Variants in ADAM18 observed in about 807,000 individuals in gnomAD.
ADAM18 encodes the protein ADAM metallopeptidase domain 18, also known as disintegrin and metalloproteinase domain-containing protein 18.
Under a neutral mutation model 94.4 loss-of-function variants are expected in ADAM18, and 117 were observed. The observed-to-expected ratio is 1.24, with a 90% confidence interval of 1.07 to 1.45. ADAM18 has a LOEUF of 1.45. Ranked by LOEUF, ADAM18 falls within the 40% of genes most tolerant of loss-of-function variation. The pLI, the probability that ADAM18 is intolerant of heterozygous loss-of-function variation, is 0.00. For synonymous variants in ADAM18, 327 were observed against 291.6 expected (o/e 1.12, Z -1.24); for missense variants, 936 against 880.0 (o/e 1.06, Z -0.81).
intron 2 of ADAM18, among the ~76,000 whole-genome samples, chr8:39,604,040 C>G (rs1277306601): frequency 6.6e-6 from 1 of 152,130 alleles, no homozygotes; most frequent in Non-Finnish European, 1.5e-5. Flanking sequence ...ATAATTGATT[C>G]ATTTTTATGA....
At chr8:39,690,236 G>A (rs1051305501) in intron 16 of ADAM18, among the ~76,000 whole-genome samples, 7 of 152,070 alleles carry the variant, frequency 4.6e-5, no homozygotes, top group Non-Finnish European at 1.0e-4. Flanking sequence ...GGTGGGTGTG[G>A]CAGGTGTGCC....
intron 3 of ADAM18, among the ~76,000 whole-genome samples, chr8:39,607,394 C>CT (rs1403837151): frequency 6.6e-6 from 1 of 152,186 alleles, no homozygotes; most frequent in East Asian, 1.9e-4. Context: ...GCAACTGTCC[C>CT]TTGTCTGCCT....
At chr8:39,608,816 G>A (rs943849451) in intron 3 of ADAM18, among the ~76,000 whole-genome samples, 1 of 152,034 alleles carries the variant, frequency 6.6e-6, no homozygotes, top group Non-Finnish European at 1.5e-5. Context: ...ACATACATAT[G>A]TCTGATGCAG....
chr8:39,620,765 A>G (rs184051634), intron 6 of ADAM18, among the ~76,000 whole-genome samples: 121 of 151,918 alleles, frequency 8.0e-4, no homozygotes, highest in African/African-American at 2.9e-3. Context: ...AGTCAGACAC[A>G]GAAAGATAAA....
intron 2 of ADAM18, among the ~76,000 whole-genome samples, chr8:39,603,031 C>T (rs906186989): frequency 6.7e-6 from 1 of 149,844 alleles, no homozygotes; most frequent in Non-Finnish European, 1.5e-5. Context: ...TCCAATTGTT[C>T]TATCTTGCAC....
chr8:39,698,920 C>T (rs918244508), intron 17 of ADAM18, among the ~76,000 whole-genome samples: 1 of 152,050 alleles, frequency 6.6e-6, no homozygotes, highest in African/African-American at 2.4e-5. Context: ...CTAAGAATTA[C>T]AGCAGTGCTT....
intron 11 of ADAM18, among the ~76,000 whole-genome samples, chr8:39,648,071 T>C (rs1432877721): frequency 6.6e-6 from 1 of 152,156 alleles, no homozygotes; most frequent in Admixed American, 6.5e-5. Context: ...TGGTTAGATA[T>C]AGAGATATGT....
chr8:39,633,586 G>T (rs1819992998), intron 7 of ADAM18, among the ~76,000 whole-genome samples: 1 of 152,126 alleles, frequency 6.6e-6, no homozygotes, highest in East Asian at 1.9e-4. Flanking sequence ...TTGTTAGAAA[G>T]TGGCCAATCA....
intron 18 of ADAM18, among the ~76,000 whole-genome samples, chr8:39,714,483 T>A (rs527689851): frequency 1.1e-4 from 16 of 152,088 alleles, no homozygotes; most frequent in African/African-American, 3.4e-4. Context: ...TCAGAAGAAA[T>A]TTAATAAACA....
chr8:39,608,676 T>C (rs1819165907), intron 3 of ADAM18, among the ~76,000 whole-genome samples: 1 of 152,112 alleles, frequency 6.6e-6, no homozygotes, highest in Non-Finnish European at 1.5e-5. Flanking sequence ...GCTAGTACTA[T>C]GTGCCCCTGG....
At chr8:39,660,934 G>C (rs2029960725) in intron 12 of ADAM18, among the ~76,000 whole-genome samples, 1 of 152,038 alleles carries the variant, frequency 6.6e-6, no homozygotes. Context: ...CTTCAGTTCA[G>C]GTCTGAGAAG....
chr8:39,679,734 C>T (rs1821390735), intron 15 of ADAM18, among the ~76,000 whole-genome samples: 1 of 152,144 alleles, frequency 6.6e-6, no homozygotes, highest in Non-Finnish European at 1.5e-5. Context: ...GGGCAAGTGA[C>T]TAATTCTCCC....
chr8:39,636,745 C>A (rs963488860), intron 7 of ADAM18, among the ~76,000 whole-genome samples: 1 of 151,802 alleles, frequency 6.6e-6, no homozygotes, highest in African/African-American at 2.4e-5. Flanking sequence ...TTCTACATAA[C>A]CCAAACTTTG....
chr8:39,611,247 T>A, intron 6 of ADAM18: 1 of 506,088 alleles, frequency 2.0e-6, no homozygotes, highest in African/African-American at 2.1e-5. Context: ...TTGGACAAAA[T>A]GAGTTGCTTC....
At chr8:39,589,706 T>A (rs1038083405) in intron 2 of ADAM18, among the ~76,000 whole-genome samples, 34 of 151,992 alleles carry the variant, frequency 2.2e-4, no homozygotes, top group African/African-American at 8.0e-4. Context: ...TAATTACTAA[T>A]TTTGTAACAT....
intron 2 of ADAM18, among the ~76,000 whole-genome samples, chr8:39,603,147 T>G (rs1005089389): frequency 2.6e-5 from 4 of 152,232 alleles, no homozygotes; most frequent in African/African-American, 9.6e-5. Context: ...TCCATTGAAC[T>G]GCCTTTGAAT....
At chr8:39,629,129 G>GT (rs945613054) in intron 6 of ADAM18, among the ~76,000 whole-genome samples, 42 of 148,656 alleles carry the variant, frequency 2.8e-4, no homozygotes, top group South Asian at 4.2e-4. Flanking sequence ...TTATGTTTAT[G>GT]TTTTTTTTTT....
intron 16 of ADAM18, 78 bp downstream of exon 16, chr8:39,680,304 C>A: frequency 7.7e-7 from 1 of 1,292,138 alleles, no homozygotes; most frequent in Non-Finnish European, 1.1e-6. Flanking sequence ...TGATGACTAT[C>A]ACAATTATAT....
intron 6 of ADAM18, among the ~76,000 whole-genome samples, chr8:39,620,196 A>G (rs892911551): frequency 2.6e-5 from 4 of 152,046 alleles, no homozygotes; most frequent in South Asian, 2.1e-4. Context: ...GTAAATTCCT[A>G]TCTCTGAACT....
Sources: gnomAD v4.1 joint callset for allele counts (sites outside exome capture counted in the v4.1 genomes callset) on GRCh38, gnomAD v4.1.1 for gene constraint, MANE v1.5 for transcripts, NCBI Gene and HGNC (gene_info 2026-07-23, HGNC 2026-07-21) for gene names.